Variants in LRRC4C observed in about 807,000 individuals in gnomAD.
The protein encoded by LRRC4C is leucine rich repeat containing 4C.
In LRRC4C, 5 loss-of-function variants were observed where a neutral mutation model predicts 33.6. The ratio of observed to expected loss-of-function variants is 0.15; its 90% CI spans 0.08 to 0.31. The LOEUF (loss-of-function observed/expected upper bound fraction) is 0.31, where lower values mean the gene tolerates loss of function less well. LRRC4C is among the 10% of genes least tolerant of loss of function. The pLI, the probability that LRRC4C is intolerant of heterozygous loss-of-function variation, is 1.00. For missense variants in LRRC4C, 560 were observed against 796.7 expected, an observed-to-expected ratio of 0.70 and a Z score of 3.58; for synonymous variants, 329 against 302.0, an observed-to-expected ratio of 1.09 and a Z score of -0.93.
rs189082263 is a variant in LRRC4C, at chr11:40,892,457, T to C, written c.-407+41178A>G. Among the ~76,000 whole-genome samples, 1,332 of 152,254 alleles carry C rather than the reference T, an allele frequency of 8.7e-3. 20 individuals carry two copies. The highest frequency in any genetic ancestry group is 0.048 in the South Asian group (232 of 4,826). Reference sequence around the variant, plus strand: ...ATCCAAAGTGGGACTTCAACAGATGTTTGAGTAGGGTCTTACACAGATATT... The same window carrying C: ...ATCCAAAGTGGGACTTCAACAGATGCTTGAGTAGGGTCTTACACAGATATT... On this transcript the variant is annotated intron_variant, in intron 2 of 6. Coordinates refer to ENST00000528697, the MANE Select transcript of LRRC4C (RefSeq NM_001258419.2).
At chr11:40,621,100 T>C (rs2135951704) in intron 3 of LRRC4C, among the ~76,000 whole-genome samples, 1 of 151,820 alleles carries the variant, frequency 6.6e-6, no homozygotes, top group Admixed American at 6.6e-5. Flanking sequence ...GCTATCCTTT[T>C]CATCTCTCTA....
At chr11:40,518,553 T>C (rs911856999) in intron 3 of LRRC4C, among the ~76,000 whole-genome samples, 3 of 152,160 alleles carry the variant, frequency 2.0e-5, no homozygotes, top group African/African-American at 7.2e-5. Flanking sequence ...CACAATGAGA[T>C]ACCATCTCAC....
chr11:41,441,924 A>G, intron 1 of LRRC4C, among the ~76,000 whole-genome samples: 1 of 152,128 alleles, frequency 6.6e-6, no homozygotes, highest in East Asian at 1.9e-4. Flanking sequence ...ATAAAACATA[A>G]ATTTAGGAAG....
chr11:41,384,204 T>C lies in LRRC4C; in HGVS notation c.-496+75227A>G, dbSNP rs565774015. 2.6e-5 allele frequency among the ~76,000 whole-genome samples: 4 copies of C among 152,092 alleles called. No homozygotes were observed. In the South Asian group the frequency reaches 8.3e-4, roughly 32 times the overall value. ...AACCATTTAAGAACCTGCTAACATA[T>C]ATTCAACTTTTCTGTAGTACTTCAT... On this transcript the variant is annotated intron_variant, in intron 1 of 6. Coordinates refer to ENST00000528697, the MANE Select transcript of LRRC4C (RefSeq NM_001258419.2).
chr11:41,126,228 T>A (rs933993877), intron 1 of LRRC4C, among the ~76,000 whole-genome samples: 2 of 152,060 alleles, frequency 1.3e-5, no homozygotes, highest in African/African-American at 4.8e-5. Flanking sequence ...TGTCATTTTT[T>A]AAGTCTTTCC....
rs2136375456 is a variant in LRRC4C at position 40,274,491 on chromosome 11, T to G, written c.-175-32893A>C. Among the ~76,000 whole-genome samples the G allele has an allele frequency of 1.4e-5, 2 of 141,848 alleles. 1 individual carries two copies. Among genetic ancestry groups the G allele is most frequent in the South Asian group, 4.5e-4 (2 of 4,472 alleles). 93.1% of individuals were successfully genotyped at this position (141,848 alleles called of 152,430 possible). On this transcript the variant is annotated intron_variant, in intron 4 of 6. Transcript: ENST00000528697. ...CAGAAACCACAATATGAAGAAGGAC[T>G]TGGCTAGACATGGATAGTAGCAGAA...
chr11:40,277,052 A>G (rs953015414), intron 4 of LRRC4C, among the ~76,000 whole-genome samples: 1 of 152,082 alleles, frequency 6.6e-6, no homozygotes, highest in African/African-American at 2.4e-5. Flanking sequence ...GAAAAGGTCC[A>G]ATTTCCTGTT....
intron 3 of LRRC4C, among the ~76,000 whole-genome samples, chr11:40,437,584 C>T (rs1044879915): frequency 6.6e-6 from 1 of 151,338 alleles, no homozygotes; most frequent in Admixed American, 6.6e-5. Flanking sequence ...AGTAGAGACT[C>T]GGTTTCTCCA....
chr11:41,325,674 AAACAACAAC>A lies in LRRC4C; in HGVS notation c.-496+133748_-496+133756del, dbSNP rs142699257. Among the ~76,000 whole-genome samples the A allele has an allele frequency of 6.6e-5, 10 of 150,496 alleles. No individual in the cohort carries two copies. The East Asian group carries it at 7.8e-4, about 12-fold the overall frequency. On this transcript the variant is annotated intron_variant, in intron 1 of 6. Transcript: ENST00000528697. Reference sequence around the variant, plus strand: ...ATGCATTTTTAGATCTTCACTGCAAAAACAACAACAACAACAACAACAACAACAAAACAA... The same window carrying A: ...ATGCATTTTTAGATCTTCACTGCAAAAACAACAACAACAACAACAAAACAA...
intron 3 of LRRC4C, among the ~76,000 whole-genome samples, chr11:40,332,253 A>C (rs1014610433): frequency 6.6e-6 from 1 of 152,160 alleles, no homozygotes; most frequent in Non-Finnish European, 1.5e-5. Context: ...TCTATGGCTG[A>C]ATCTTTCCTT....
intron 4 of LRRC4C, among the ~76,000 whole-genome samples, chr11:40,284,009 A>T (rs940195799): frequency 6.6e-6 from 1 of 152,104 alleles, no homozygotes. Context: ...AGTCAATGGG[A>T]TCCACATTCT....
chr11:40,190,642 A>C (rs1480857193), intron 5 of LRRC4C, among the ~76,000 whole-genome samples: 1 of 152,192 alleles, frequency 6.6e-6, no homozygotes, highest in Non-Finnish European at 1.5e-5. Flanking sequence ...TTAATATGTG[A>C]CAATTCCTGA....
intron 2 of LRRC4C, among the ~76,000 whole-genome samples, chr11:40,696,595 C>A (rs1465948116): frequency 1.3e-5 from 2 of 149,342 alleles, no homozygotes; most frequent in Non-Finnish European, 3.0e-5. Flanking sequence ...AACTCAAGTT[C>A]CAAGTGCCAC....
intron 1 of LRRC4C, among the ~76,000 whole-genome samples, chr11:41,242,089 T>C (rs1396734483): frequency 6.6e-6 from 1 of 152,152 alleles, no homozygotes; most frequent in Non-Finnish European, 1.5e-5. Flanking sequence ...CTAATTTAAC[T>C]CTCTAACATA....
intron 6 of LRRC4C, among the ~76,000 whole-genome samples, chr11:40,133,930 A>G (rs1225470844): frequency 6.6e-6 from 1 of 152,240 alleles, no homozygotes; most frequent in Non-Finnish European, 1.5e-5. Flanking sequence ...ACTTAGGGCC[A>G]AGTGTATCTC....
chr11:40,538,857 C>T (rs971663918), intron 3 of LRRC4C, among the ~76,000 whole-genome samples: 27 of 152,062 alleles, frequency 1.8e-4, no homozygotes, highest in African/African-American at 6.0e-4. Context: ...GATGGTATCT[C>T]GTTGTGGTTT....
At chr11:40,589,991 G>A (rs1457080680) in intron 3 of LRRC4C, among the ~76,000 whole-genome samples, 75 of 151,530 alleles carry the variant, frequency 4.9e-4, no homozygotes, top group Non-Finnish European at 8.0e-4. Flanking sequence ...TCTTTGTAGC[G>A]TTCTCTGTAT....
chr11:40,929,061 T>G lies in LRRC4C; in HGVS notation c.-407+4574A>C, dbSNP rs76809031. On this transcript the variant is annotated intron_variant, in intron 2 of 6. Transcript: ENST00000528697. ...TCAGAGACTAATTTGTATAATTAAA[T>G]AAGAAAACATGTTTCTCTTCTGAAT... 7.1e-3 allele frequency among the ~76,000 whole-genome samples: 1,074 copies of G among 152,284 alleles called. 13 individuals are homozygous for G. Among genetic ancestry groups the G allele is most frequent in the African/African-American group, 0.024 (1,006 of 41,568 alleles).
rs535273362 is a variant in LRRC4C at position 40,631,101 on chromosome 11, C to T, written c.-270+17041G>A. On this transcript the variant is annotated intron_variant, in intron 3 of 6. Transcript: ENST00000528697. The stretch of plus-strand genomic sequence containing the variant: ...GTTTTCTGACTTTCCTAATTCATCT[C>T]CTGAATGTCTGATGTGCACTTCCAC... Among the ~76,000 whole-genome samples, 4 of 152,308 alleles carry T rather than the reference C, an allele frequency of 2.6e-5. No individual in the cohort carries two copies. The East Asian group carries it at 7.7e-4, about 29-fold the overall frequency.
Sources: gnomAD v4.1 joint callset for allele counts (sites outside exome capture counted in the v4.1 genomes callset) on GRCh38, gnomAD v4.1.1 for gene constraint, MANE v1.5 for transcripts, NCBI Gene and HGNC (gene_info 2026-07-23, HGNC 2026-07-21) for gene names.